PSMB2: variants seen among roughly 807,000 people sequenced by gnomAD.
The protein encoded by PSMB2 is proteasome 20S subunit beta 2.
Under a neutral mutation model 25.7 loss-of-function variants are expected in PSMB2, and 13 were observed. That is an observed-to-expected ratio of 0.51 (90% CI 0.33 to 0.80). The LOEUF (loss-of-function observed/expected upper bound fraction) is 0.80, where lower values mean the gene tolerates loss of function less well. Ranked by LOEUF, PSMB2 falls within the 30% of genes least tolerant of loss-of-function variation. The probability of loss-of-function intolerance (pLI) is 0.02; values close to 1 mark genes in which losing one functional copy is unlikely to be tolerated. For missense variants in PSMB2, 202 were observed against 259.0 expected (o/e 0.78, Z 1.51); for synonymous variants, 87 against 96.2 (o/e 0.90, Z 0.56).
intron 3 of PSMB2, among the ~76,000 whole-genome samples, chr1:35,611,215 C>A (rs956320132): frequency 1.3e-5 from 2 of 152,236 alleles, no homozygotes; most frequent in African/African-American, 4.8e-5. Flanking sequence ...GTAAGTGAGA[C>A]ACCTCATTAT....
At position 35,601,489 on chromosome 1, in the gene PSMB2, T is replaced by C. The variant is rs575048995; in HGVS notation, c.*1778A>G. ...GAATCAACTGTAGTGACGTGAATCA[T>C]CTCTTTTCTCCCATTTACTCAATGA... is the stretch of plus-strand genomic sequence containing the variant. On this transcript the variant is annotated 3_prime_UTR_variant, in exon 6 of 6. Transcript: ENST00000373237. 3.0e-6 allele frequency: 3 copies of C among 985,394 alleles called. No individual in the cohort carries two copies. In the South Asian group the frequency reaches 1.4e-4, roughly 46 times the overall value. The allele number at this position is 985,394 out of a possible 1,614,324, so 61.0% of individuals were successfully genotyped here. A position where few individuals can be genotyped will look rare whatever the true frequency, so the allele number is the denominator to read the frequency against.
chr1:35,628,599 ATATATATATAT>A (rs1557456360), intron 3 of PSMB2, among the ~76,000 whole-genome samples: 6 of 23,604 alleles, frequency 2.5e-4, no homozygotes, highest in African/African-American at 7.7e-4. Flanking sequence ...AAAAAAAAAT[ATATATATATAT>A]ATATATATAT....
At chr1:35,628,622 T>G (rs1236744897) in intron 3 of PSMB2, among the ~76,000 whole-genome samples, 2 of 50,958 alleles carry the variant, frequency 3.9e-5, no homozygotes, top group African/African-American at 1.6e-4. Context: ...TATATATATA[T>G]ATATATATAT....
chr1:35,607,907 ACGGTATT>A (rs113653311), intron 4 of PSMB2, among the ~76,000 whole-genome samples: 3,082 of 152,330 alleles, frequency 0.02, 90 homozygotes, highest in East Asian at 0.061. Flanking sequence ...ATGGAACTGG[ACGGTATT>A]CTGCTAAGTG....
At chr1:35,623,252 T>C (rs1444169103) in intron 3 of PSMB2, among the ~76,000 whole-genome samples, 2 of 152,192 alleles carry the variant, frequency 1.3e-5, no homozygotes, top group African/African-American at 4.8e-5. Flanking sequence ...CATCTAAATG[T>C]AGCCATTTGT....
At chr1:35,637,007 G>C (rs1052914873) in intron 1 of PSMB2, among the ~76,000 whole-genome samples, 5 of 152,130 alleles carry the variant, frequency 3.3e-5, no homozygotes, top group African/African-American at 1.2e-4. Flanking sequence ...ATACATGAAA[G>C]CTACCAATTG....
intron 3 of PSMB2, among the ~76,000 whole-genome samples, chr1:35,620,392 T>C (rs1423120108): frequency 6.6e-6 from 1 of 152,118 alleles, no homozygotes; most frequent in Non-Finnish European, 1.5e-5. Flanking sequence ...CTTCATTCTT[T>C]CCCCAAATGC....
intron 4 of PSMB2, among the ~76,000 whole-genome samples, chr1:35,607,595 A>T (rs543674000): frequency 2.0e-5 from 3 of 152,362 alleles, no homozygotes; most frequent in African/African-American, 7.2e-5. Context: ...AAACTAGTAT[A>T]GCCACTAGGG....
At chr1:35,627,258 C>CAAAAA (rs772688881) in intron 3 of PSMB2, among the ~76,000 whole-genome samples, 1 of 36,454 alleles carries the variant, frequency 2.7e-5, no homozygotes, top group African/African-American at 8.2e-5. Flanking sequence ...GACCCTATCT[C>CAAAAA]AAAAAAAAAA....
rs1453952156 is a variant in PSMB2 at position 35,602,149 on chromosome 1, G to C, written c.*1118C>G. The C allele has an allele frequency of 6.4e-6, 1 of 157,012 alleles. No homozygotes were observed. Among genetic ancestry groups the C allele is most frequent in the Non-Finnish European group, 1.4e-5 (1 of 72,472 alleles). 9.7% of individuals were successfully genotyped at this position (157,012 alleles called of 1,614,324 possible). A position where few individuals can be genotyped will look rare whatever the true frequency, so the allele number is the denominator to read the frequency against. ...AGTTCAAGACCAACCTGAATGACAT[G>C]GTGAGACCCTGTCTCTATGAAAAAC... On this transcript the variant is annotated 3_prime_UTR_variant, in exon 6 of 6. Coordinates refer to ENST00000373237, the MANE Select transcript of PSMB2 (RefSeq NM_002794.5).
chr1:35,606,018 A>G (rs1650157129), intron 4 of PSMB2, among the ~76,000 whole-genome samples: 2 of 152,240 alleles, frequency 1.3e-5, no homozygotes, highest in Non-Finnish European at 2.9e-5. Flanking sequence ...CCAGATTCTT[A>G]CGATACTGAC....
chr1:35,603,165 C>T lies in PSMB2; in HGVS notation c.*102G>A, dbSNP rs1650055059. The T allele has an allele frequency of 6.7e-7, 1 of 1,489,504 alleles. No homozygotes were observed. The highest frequency in any genetic ancestry group is 1.4e-5 in the African/African-American group (1 of 71,176). 92.3% of individuals were successfully genotyped at this position (1,489,504 alleles called of 1,614,324 possible). ...AATTATATCCATAGTCACCTTTATT[C>T]TGAATTAACCATTTATCAAGAGTGC... On this transcript the variant is annotated 3_prime_UTR_variant, in exon 6 of 6. Coordinates refer to ENST00000373237, the MANE Select transcript of PSMB2 (RefSeq NM_002794.5).
At chr1:35,622,981 T>C (rs990775773) in intron 3 of PSMB2, among the ~76,000 whole-genome samples, 4 of 152,196 alleles carry the variant, frequency 2.6e-5, no homozygotes, top group African/African-American at 4.8e-5. Context: ...TGCATACGCA[T>C]ACTGCTTAAA....
chr1:35,607,520 AAAC>A (rs2148562626), intron 4 of PSMB2, among the ~76,000 whole-genome samples: 1 of 152,322 alleles, frequency 6.6e-6, no homozygotes, highest in East Asian at 1.9e-4. Flanking sequence ...AAAAGACAAA[AAAC>A]AACAAATGCT....
In PSMB2 at chr1:35,631,325, C is replaced by T. The variant is rs1481684628; in HGVS notation, c.234G>A (p.Thr78=). The change falls in exon 3 of 6, where the codon ACG becomes ACA. Residue 78 remains threonine, a synonymous_variant. Transcript: ENST00000373237. ...KMRNGYELSP[T]AAANFTRRNL... is the part of the protein sequence containing the mutation. ...TTCGGCGTGTGAAGTTAGCTGCTGC[C>T]GTGGGAGACAATTCATATCCTGGTA... 31 of 1,613,952 alleles carry T rather than the reference C, an allele frequency of 1.9e-5. No individual in the cohort carries two copies. The highest frequency in any genetic ancestry group is 2.3e-5 in the Non-Finnish European group (27 of 1,179,984).
chr1:35,603,772 A>T (rs1650076982), intron 5 of PSMB2, among the ~76,000 whole-genome samples: 1 of 152,228 alleles, frequency 6.6e-6, no homozygotes, highest in African/African-American at 2.4e-5. Flanking sequence ...AGCAGAGGCC[A>T]GGAGCTGTGG....
rs1650026174 is a variant in PSMB2 at position 35,602,312 on chromosome 1, A to T, written c.*955T>A. 6.6e-6 allele frequency: 1 copy of T among 152,226 alleles called. No homozygotes were observed. The highest frequency in any genetic ancestry group is 2.1e-4 in the South Asian group (1 of 4,830). 9.4% of individuals were successfully genotyped at this position (152,226 alleles called of 1,614,324 possible). ...ACGCCACAGCACTCCAGCCTGGGCT[A>T]GAGTGAGACCCTGTCTCTAAATAAA... On this transcript the variant is annotated 3_prime_UTR_variant, in exon 6 of 6. Transcript: ENST00000373237.
chr1:35,624,269 C>G (rs1473318520), intron 3 of PSMB2, among the ~76,000 whole-genome samples: 1 of 152,154 alleles, frequency 6.6e-6, no homozygotes, highest in Non-Finnish European at 1.5e-5. Flanking sequence ...TAAAAACCAT[C>G]CAATCAAATG....
intron 3 of PSMB2, among the ~76,000 whole-genome samples, chr1:35,622,249 C>G (rs1262033049): frequency 2.0e-5 from 3 of 152,054 alleles, no homozygotes; most frequent in Non-Finnish European, 1.5e-5. Flanking sequence ...AAAGAGGCAC[C>G]AAGATGCCAG....
Sources: allele counts gnomAD v4.1 joint callset (sites outside exome capture counted in the v4.1 genomes callset), GRCh38; gene constraint gnomAD v4.1.1; transcripts MANE v1.5; gene names NCBI Gene and HGNC (gene_info 2026-07-23, HGNC 2026-07-21).